Variants in RABGAP1L observed in about 807,000 individuals in gnomAD.
RABGAP1L encodes RAB GTPase activating protein 1 like.
RABGAP1L carries 63 observed loss-of-function variants against 137.7 expected under a neutral mutation model. The observed-to-expected ratio is 0.46, with a 90% CI of 0.37 to 0.56. The LOEUF (loss-of-function observed/expected upper bound fraction) is 0.56, where lower values mean the gene tolerates loss of function less well. Among genes scored for constraint, RABGAP1L ranks in the 20% least tolerant of loss-of-function variants. The pLI, the probability that RABGAP1L is intolerant of heterozygous loss-of-function variation, is 0.00. For missense variants in RABGAP1L, 1,095 were observed against 1,244.0 expected (o/e 0.88, Z 1.80); for synonymous variants, 431 against 433.7 (o/e 0.99, Z 0.08).
At chr1:174,586,595 G>A (rs556966802) in intron 13 of RABGAP1L, among the ~76,000 whole-genome samples, 6 of 152,154 alleles carry the variant, frequency 3.9e-5, no homozygotes, top group African/African-American at 1.4e-4. Context: ...ATATATGTAT[G>A]TATGTATGTA....
intron 11 of RABGAP1L, among the ~76,000 whole-genome samples, chr1:174,330,783 C>A (rs1680965316): frequency 6.6e-6 from 1 of 152,020 alleles, no homozygotes; most frequent in African/African-American, 2.4e-5. Flanking sequence ...TCTACAGATT[C>A]AGTGCAATTT....
intron 19 of RABGAP1L, chr1:174,874,553 C>A: frequency 3.8e-5 from 25 of 657,036 alleles, no homozygotes; most frequent in South Asian, 1.4e-4. Flanking sequence ...AGCCCTTGAT[C>A]TCAGGTAATT....
At chr1:174,539,014 G>GC (rs1420133164) in intron 13 of RABGAP1L, among the ~76,000 whole-genome samples, 2 of 152,080 alleles carry the variant, frequency 1.3e-5, no homozygotes, top group Non-Finnish European at 2.9e-5. Flanking sequence ...TAAATAAGTT[G>GC]CCCGGGGTCA....
rs114405072 is a variant in RABGAP1L at position 174,794,429 on chromosome 1, T to G, written c.2212-17403T>G. On this transcript the variant is annotated intron_variant, in intron 18 of 25. Transcript: ENST00000681986. ...ATTTCCTGGAAAGAATGAAAAAAAC[T>G]ACTAGTTGTTGAGCACCTACCATGT... is the stretch of plus-strand genomic sequence containing the variant. Among the ~76,000 whole-genome samples the G allele has an allele frequency of 3.9e-3, 589 of 152,336 alleles. 6 individuals are homozygous for G. Among genetic ancestry groups the G allele is most frequent in the African/African-American group, 0.014 (569 of 41,584 alleles).
intron 1 of RABGAP1L, among the ~76,000 whole-genome samples, chr1:174,185,837 AC>A (rs2148314148): frequency 6.6e-6 from 1 of 152,290 alleles, no homozygotes; most frequent in South Asian, 2.1e-4. Context: ...ATTATTGTGT[AC>A]ATTTACTTTA....
intron 10 of RABGAP1L, among the ~76,000 whole-genome samples, chr1:174,299,351 C>G (rs1016856082): frequency 1.3e-5 from 2 of 152,190 alleles, no homozygotes; most frequent in African/African-American, 2.4e-5. Flanking sequence ...GACCACAGGT[C>G]AGGAACTCTG....
At chr1:174,412,347 C>T (rs1650036730) in intron 13 of RABGAP1L, among the ~76,000 whole-genome samples, 1 of 152,016 alleles carries the variant, frequency 6.6e-6, no homozygotes, top group African/African-American at 2.4e-5. Context: ...TATATTGAGG[C>T]TTTGGGTGTT....
intron 17 of RABGAP1L, among the ~76,000 whole-genome samples, chr1:174,706,205 A>G (rs993365110): frequency 6.6e-6 from 1 of 152,180 alleles, no homozygotes; most frequent in South Asian, 2.1e-4. Flanking sequence ...AAAAGAGAAG[A>G]ATTTTATAGA....
At chr1:174,784,011 CTTTTTTTTTTT>C (rs3085670) in intron 18 of RABGAP1L, among the ~76,000 whole-genome samples, 99 of 52,168 alleles carry the variant, frequency 1.9e-3, no homozygotes, top group Admixed American at 6.4e-3. Context: ...TCTTCTTCTT[CTTTTTTTTTTT>C]TTTTTTTTTT....
In RABGAP1L at chr1:174,664,730, C is replaced by CTTTTTTTTTTTTTTTTTTTT. The variant is rs747671420; in HGVS notation, c.1825-18789_1825-18788insTTTTTTTTTTTTTTTTTTTT. Among the ~76,000 whole-genome samples the CTTTTTTTTTTTTTTTTTTTT allele has an allele frequency of 3.2e-4, 32 of 98,896 alleles. 5 individuals are homozygous for CTTTTTTTTTTTTTTTTTTTT. The highest frequency in any genetic ancestry group is 5.8e-3 in the Middle Eastern group (1 of 172). 64.9% of individuals were successfully genotyped at this position (98,896 alleles called of 152,430 possible). ...CTCTCTCTTTCTTTCTTTCTTTCTG[C>CTTTTTTTTTTTTTTTTTTTT]TTTCTTTTTTTTTTTTTTTTTTTTT... On this transcript the variant is annotated intron_variant, in intron 14 of 25. Coordinates refer to ENST00000681986, the MANE Select transcript of RABGAP1L (RefSeq NM_001366446.1).
intron 19 of RABGAP1L, among the ~76,000 whole-genome samples, chr1:174,815,409 A>G (rs1372903378): frequency 1.3e-5 from 2 of 152,376 alleles, no homozygotes; most frequent in East Asian, 1.9e-4. Flanking sequence ...ATTTAAGATT[A>G]AAGATAGAAT....
chr1:174,339,953 A>G (rs900542100), intron 11 of RABGAP1L, among the ~76,000 whole-genome samples: 2 of 152,226 alleles, frequency 1.3e-5, no homozygotes, highest in Non-Finnish European at 2.9e-5. Context: ...TATAGTAAAT[A>G]TGAGTTGTGA....
intron 13 of RABGAP1L, among the ~76,000 whole-genome samples, chr1:174,503,551 C>T (rs1258798137): frequency 6.7e-6 from 1 of 149,884 alleles, no homozygotes. Flanking sequence ...GTCCCAGCTA[C>T]TGGGGAGGCT....
At chr1:174,388,596 A>G (rs922541936) in intron 12 of RABGAP1L, among the ~76,000 whole-genome samples, 9 of 152,050 alleles carry the variant, frequency 5.9e-5, no homozygotes, top group Non-Finnish European at 1.3e-4. Context: ...CAGAATGGTA[A>G]TGCTGATGAT....
At chr1:174,980,898 C>A (rs1252268392) in intron 23 of RABGAP1L, among the ~76,000 whole-genome samples, 2 of 146,686 alleles carry the variant, frequency 1.4e-5, no homozygotes, top group African/African-American at 5.1e-5. Context: ...ACACAAAAGA[C>A]AGTTTTTTTT....
chr1:174,595,538 A>G (rs1339175322), intron 13 of RABGAP1L, among the ~76,000 whole-genome samples: 9 of 122,778 alleles, frequency 7.3e-5, no homozygotes, highest in Non-Finnish European at 1.3e-4. Context: ...TTTTCGGTGT[A>G]GATGTCCTTT....
intron 5 of RABGAP1L, among the ~76,000 whole-genome samples, chr1:174,243,940 T>G (rs1672041533): frequency 6.6e-6 from 1 of 152,218 alleles, no homozygotes; most frequent in Admixed American, 6.5e-5. Flanking sequence ...ATTTTTGTAT[T>G]TTAGTTATGT....
At chr1:174,811,169 C>G (rs1689835716) in intron 18 of RABGAP1L, among the ~76,000 whole-genome samples, 1 of 152,076 alleles carries the variant, frequency 6.6e-6, no homozygotes, top group Non-Finnish European at 1.5e-5. Context: ...TCTTTTTAGT[C>G]TTTTTTCTGT....
intron 11 of RABGAP1L, among the ~76,000 whole-genome samples, chr1:174,328,866 T>C (rs575645379): frequency 7.4e-4 from 113 of 152,124 alleles, no homozygotes; most frequent in Non-Finnish European, 8.5e-4. Context: ...AAGTATACAG[T>C]AATAAATGCC....
Sources: allele counts gnomAD v4.1 joint callset (sites outside exome capture counted in the v4.1 genomes callset), GRCh38; gene constraint gnomAD v4.1.1; transcripts MANE v1.5; gene names NCBI Gene and HGNC (gene_info 2026-07-23, HGNC 2026-07-21).